BRINP3: variants seen among roughly 807,000 people sequenced by gnomAD.
BRINP3 encodes the protein BMP/retinoic acid-inducible neural-specific protein 3.
Under a neutral mutation model 71.0 loss-of-function variants are expected in BRINP3, and 19 were observed. The ratio of observed to expected loss-of-function variants is 0.27; its 90% CI spans 0.19 to 0.39. BRINP3 has a LOEUF of 0.39. Among genes scored for constraint, BRINP3 ranks in the 10% least tolerant of loss-of-function variants. The pLI, the probability that BRINP3 is intolerant of heterozygous loss-of-function variation, is 1.00. For synonymous variants in BRINP3, 380 were observed against 337.7 expected (o/e 1.13, Z -1.37); for missense variants, 959 against 940.8 (o/e 1.02, Z -0.25).
chr1:190,253,036 T>C (rs1660293624), intron 4 of BRINP3, among the ~76,000 whole-genome samples: 1 of 152,166 alleles, frequency 6.6e-6, no homozygotes, highest in South Asian at 2.1e-4. Flanking sequence ...TGTTTGGTTT[T>C]CTGTCCTTGT....
chr1:190,211,135 T>C (rs1043901059), intron 6 of BRINP3, among the ~76,000 whole-genome samples: 5 of 152,022 alleles, frequency 3.3e-5, no homozygotes, highest in African/African-American at 1.2e-4. Context: ...AGACGGCCTA[T>C]TGTGGGACTT....
chr1:190,394,994 T>G (rs116633959), intron 2 of BRINP3, among the ~76,000 whole-genome samples: 1 of 151,814 alleles, frequency 6.6e-6, no homozygotes, highest in Non-Finnish European at 1.5e-5. Context: ...ACTAAGGAAG[T>G]CTTGTACATT....
chr1:190,475,298 A>G (rs1253004812), intron 1 of BRINP3, among the ~76,000 whole-genome samples: 1 of 152,178 alleles, frequency 6.6e-6, no homozygotes, highest in Non-Finnish European at 1.5e-5. Context: ...ATAAATAAAT[A>G]TTAACGCAAA....
intron 2 of BRINP3, among the ~76,000 whole-genome samples, chr1:190,304,367 A>G (rs1184351291): frequency 6.6e-6 from 1 of 151,858 alleles, no homozygotes; most frequent in African/African-American, 2.4e-5. Context: ...TCATCACACT[A>G]TATGACTTCA....
At chr1:190,434,343 C>T (rs533968141) in intron 2 of BRINP3, among the ~76,000 whole-genome samples, 45 of 152,038 alleles carry the variant, frequency 3.0e-4, no homozygotes, top group Non-Finnish European at 4.7e-4. Context: ...TTCCTGACCT[C>T]GGGTGATCTG....
chr1:190,239,163 C>T (rs1658814182), intron 4 of BRINP3, among the ~76,000 whole-genome samples: 1 of 152,082 alleles, frequency 6.6e-6, no homozygotes, highest in Non-Finnish European at 1.5e-5. Context: ...CTACCAGATC[C>T]CTCCCTCATC....
chr1:190,475,282 A>G (rs1053946753), intron 1 of BRINP3, among the ~76,000 whole-genome samples: 4 of 152,242 alleles, frequency 2.6e-5, no homozygotes, highest in Non-Finnish European at 5.9e-5. Flanking sequence ...AATATAGCTC[A>G]TTAAAATAAA....
chr1:190,203,753 ATATATATAT>A (rs1655224390), intron 6 of BRINP3, among the ~76,000 whole-genome samples: 19 of 5,360 alleles, frequency 3.5e-3, no homozygotes, highest in South Asian at 0.014. Flanking sequence ...TAAAGAAAAT[ATATATATAT>A]ATATATATAT....
chr1:190,199,553 A>G (rs1654801073), intron 6 of BRINP3, among the ~76,000 whole-genome samples: 1 of 151,954 alleles, frequency 6.6e-6, no homozygotes, highest in East Asian at 1.9e-4. Context: ...CAAACTATTT[A>G]TTTTTCTGTA....
chr1:190,338,737 C>T (rs1232072098), intron 2 of BRINP3, among the ~76,000 whole-genome samples: 1 of 151,556 alleles, frequency 6.6e-6, no homozygotes, highest in Admixed American at 6.6e-5. Flanking sequence ...CTATCCAAGA[C>T]CTCTGTAGAA....
chr1:190,250,605 T>C (rs1660042580), intron 4 of BRINP3, among the ~76,000 whole-genome samples: 1 of 151,924 alleles, frequency 6.6e-6, no homozygotes, highest in African/African-American at 2.4e-5. Context: ...TAGAGATCAT[T>C]ATCTGTCAGC....
chr1:190,193,305 G>A (rs1281441773), intron 6 of BRINP3, among the ~76,000 whole-genome samples: 3 of 151,972 alleles, frequency 2.0e-5, no homozygotes, highest in Non-Finnish European at 4.4e-5. Flanking sequence ...GAGATGAGAG[G>A]TAATGTGTGA....
rs1334402738 is a variant in BRINP3 at position 190,405,450 on chromosome 1, C to CAAAAAAA, written c.236+49198_236+49204dup. Among the ~76,000 whole-genome samples, 23 of 39,146 alleles carry CAAAAAAA rather than the reference C, an allele frequency of 5.9e-4. 6 individuals are homozygous for CAAAAAAA. Among genetic ancestry groups the CAAAAAAA allele is most frequent in the African/African-American group, 1.9e-3 (14 of 7,264 alleles). The allele number at this position is 39,146 out of a possible 152,430, so 25.7% of individuals were successfully genotyped here. On this transcript the variant is annotated intron_variant, in intron 2 of 7. Transcript: ENST00000367462. Reference sequence around the variant, plus strand: ...TGGGCGACAGAGCGAGACTCCGTCTCAAAAAAAAAAAAAAAAAAAAAAAAA... The same window carrying CAAAAAAA: ...TGGGCGACAGAGCGAGACTCCGTCTCAAAAAAAAAAAAAAAAAAAAAAAAAAAAAAAA...
At chr1:190,309,123 G>A (rs1048301533) in intron 2 of BRINP3, among the ~76,000 whole-genome samples, 1 of 151,820 alleles carries the variant, frequency 6.6e-6, no homozygotes. Flanking sequence ...TCGAAAGTAT[G>A]TTTGAACTCA....
chr1:190,240,172 GA>G (rs1043186028), intron 4 of BRINP3, among the ~76,000 whole-genome samples: 1 of 151,430 alleles, frequency 6.6e-6, no homozygotes, highest in Non-Finnish European at 1.5e-5. Flanking sequence ...TACCTAGAAT[GA>G]AAAAAATAGT....
chr1:190,439,537 G>T (rs1327305759), intron 2 of BRINP3, among the ~76,000 whole-genome samples: 1 of 151,920 alleles, frequency 6.6e-6, no homozygotes, highest in Non-Finnish European at 1.5e-5. Flanking sequence ...GAGTACGTGT[G>T]TGTGTGTATG....
intron 6 of BRINP3, among the ~76,000 whole-genome samples, chr1:190,167,240 T>C (rs771468235): frequency 2.4e-4 from 37 of 152,184 alleles, no homozygotes; most frequent in Non-Finnish European, 4.4e-4. Context: ...ATACCAGAAG[T>C]GGTTTGGTAA....
chr1:190,355,701 G>A (rs1374794319), intron 2 of BRINP3, among the ~76,000 whole-genome samples: 1 of 151,768 alleles, frequency 6.6e-6, no homozygotes, highest in South Asian at 2.1e-4. Flanking sequence ...ATTCATATAT[G>A]GGAACATTAA....
At chr1:190,252,924 C>G (rs143737887) in intron 4 of BRINP3, among the ~76,000 whole-genome samples, 516 of 152,104 alleles carry the variant, frequency 3.4e-3, no homozygotes, top group African/African-American at 0.012. Flanking sequence ...AATGCTATCC[C>G]TCCCCCTGTC....
Sources: allele counts gnomAD v4.1 joint callset (sites outside exome capture counted in the v4.1 genomes callset), GRCh38; gene constraint gnomAD v4.1.1; transcripts MANE v1.5; gene names NCBI Gene and HGNC (gene_info 2026-07-23, HGNC 2026-07-21).